Variants in NCAM1 observed in about 807,000 individuals in gnomAD.
NCAM1 encodes antigen recognized by monoclonal antibody 5.1H11.
Under a neutral mutation model 109.8 loss-of-function variants are expected in NCAM1, and 14 were observed. The observed-to-expected ratio is 0.13, with a 90% CI of 0.08 to 0.20. NCAM1 has a LOEUF of 0.20. NCAM1 is among the 10% of genes least tolerant of loss of function. NCAM1 has a pLI of 1.00. For synonymous variants in NCAM1, 418 were observed against 442.9 expected (o/e 0.94, Z 0.70); for missense variants, 774 against 1,109.9 (o/e 0.70, Z 4.30).
chr11:113,270,466 A>C, intron 18 of NCAM1, 71 bp downstream of exon 18: 1 of 1,419,888 alleles, frequency 7.0e-7, no homozygotes. Context: ...CAGCTGCACC[A>C]CCCTGCGCCA....
chr11:113,178,211 A>G (rs1316343149), intron 1 of NCAM1, among the ~76,000 whole-genome samples: 1 of 152,150 alleles, frequency 6.6e-6, no homozygotes, highest in Non-Finnish European at 1.5e-5. Flanking sequence ...ACAAAAAGTG[A>G]ACCTGAGAGC....
intron 1 of NCAM1, among the ~76,000 whole-genome samples, chr11:113,012,372 T>C (rs1418580384): frequency 6.6e-6 from 1 of 152,092 alleles, no homozygotes; most frequent in Non-Finnish European, 1.5e-5. Context: ...AATTTGAATA[T>C]AGGTTGTACA....
At chr11:113,069,586 G>T (rs1938162361) in intron 1 of NCAM1, among the ~76,000 whole-genome samples, 1 of 152,218 alleles carries the variant, frequency 6.6e-6, no homozygotes, top group South Asian at 2.1e-4. Context: ...ATTTGTCTGG[G>T]TGCAGGACGA....
chr11:113,221,187 T>C, intron 8 of NCAM1, 109 bp from the exon 9 acceptor site: 2 of 1,127,342 alleles, frequency 1.8e-6, no homozygotes, highest in South Asian at 3.0e-5. Flanking sequence ...AAGTTCTGAA[T>C]TAAAGAAAAG....
At chr11:113,221,268 G>T (rs1409847154) in intron 8 of NCAM1, 28 bp from the exon 9 acceptor site, 4 of 1,554,642 alleles carry the variant, frequency 2.6e-6, no homozygotes, top group Non-Finnish European at 2.6e-6. Context: ...CTGCTTTCTT[G>T]TTGTGTTTTA....
intron 1 of NCAM1, among the ~76,000 whole-genome samples, chr11:113,080,609 T>C (rs900218055): frequency 6.6e-6 from 1 of 152,182 alleles, no homozygotes; most frequent in South Asian, 2.1e-4. Flanking sequence ...AGTTAATTAT[T>C]TGAATGGAGA....
At chr11:112,968,692 C>A (rs1555066155) in intron 1 of NCAM1, among the ~76,000 whole-genome samples, 1 of 152,062 alleles carries the variant, frequency 6.6e-6, no homozygotes, top group East Asian at 1.9e-4. Context: ...ATTACATATT[C>A]AGATTCAAGT....
At chr11:113,138,128 TGCCTCTGTGCTAC>T (rs1941675320) in intron 1 of NCAM1, among the ~76,000 whole-genome samples, 2 of 152,224 alleles carry the variant, frequency 1.3e-5, no homozygotes, top group Non-Finnish European at 2.9e-5. Flanking sequence ...TAGGCTCAGC[TGCCTCTGTGCTAC>T]ACAAATGTGC....
intron 1 of NCAM1, among the ~76,000 whole-genome samples, chr11:113,019,212 T>G (rs2135217392): frequency 6.6e-6 from 1 of 152,202 alleles, no homozygotes; most frequent in East Asian, 1.9e-4. Context: ...CTTAATCCAG[T>G]TGTGTTGTTA....
At chr11:113,254,634 C>G (rs1158536386) in intron 15 of NCAM1, among the ~76,000 whole-genome samples, 1 of 152,178 alleles carries the variant, frequency 6.6e-6, no homozygotes, top group Non-Finnish European at 1.5e-5. Context: ...CTGCAGCCGT[C>G]TCATAAATGG....
At chr11:113,012,481 G>A (rs1451104365) in intron 1 of NCAM1, among the ~76,000 whole-genome samples, 1 of 152,108 alleles carries the variant, frequency 6.6e-6, no homozygotes, top group African/African-American at 2.4e-5. Context: ...ACAAACCAGG[G>A]ACCTTCAAAA....
intron 1 of NCAM1, among the ~76,000 whole-genome samples, chr11:113,147,378 T>C (rs1169587594): frequency 6.6e-6 from 1 of 152,220 alleles, no homozygotes; most frequent in African/African-American, 2.4e-5. Flanking sequence ...CAAAAACGGC[T>C]AGCTCATGGG....
intron 1 of NCAM1, among the ~76,000 whole-genome samples, chr11:113,081,914 A>G (rs1938839037): frequency 1.3e-5 from 2 of 152,216 alleles, no homozygotes; most frequent in Admixed American, 6.5e-5. Flanking sequence ...CGCCTTTACT[A>G]TCTGCCTATT....
At chr11:113,139,215 A>T (rs564385867) in intron 1 of NCAM1, among the ~76,000 whole-genome samples, 1 of 152,350 alleles carries the variant, frequency 6.6e-6, no homozygotes, top group African/African-American at 2.4e-5. Context: ...GTATTGACTG[A>T]TTATTACTGG....
chr11:113,248,959 G>A (rs982829189), intron 15 of NCAM1, among the ~76,000 whole-genome samples: 4 of 152,104 alleles, frequency 2.6e-5, no homozygotes, highest in African/African-American at 7.2e-5. Flanking sequence ...ATGACTCCAC[G>A]GAGCCGTGGC....
At chr11:113,247,952 A>G (rs1242120285) in intron 15 of NCAM1, among the ~76,000 whole-genome samples, 1 of 152,224 alleles carries the variant, frequency 6.6e-6, no homozygotes, top group African/African-American at 2.4e-5. Context: ...GGCCTTCACC[A>G]TGAAATCTTA....
At chr11:113,270,481 C>G in intron 18 of NCAM1, 86 bp downstream of exon 18, 1 of 1,274,700 alleles carries the variant, frequency 7.8e-7, no homozygotes, top group South Asian at 1.3e-5. Context: ...GCGCCATCAG[C>G]TGGTGCCTTT....
chr11:113,262,678 A>AT (rs1555123602), intron 17 of NCAM1, among the ~76,000 whole-genome samples: 1 of 151,048 alleles, frequency 6.6e-6, no homozygotes, highest in Non-Finnish European at 1.5e-5. Flanking sequence ...CTTTTTATCT[A>AT]TTTTTTTCTC....
chr11:113,211,954 G>A (rs887757746), intron 7 of NCAM1, among the ~76,000 whole-genome samples: 1 of 152,148 alleles, frequency 6.6e-6, no homozygotes, highest in Non-Finnish European at 1.5e-5. Flanking sequence ...AATAGAACAG[G>A]GATCCAAAAG....
Sources: allele counts gnomAD v4.1 joint callset (sites outside exome capture counted in the v4.1 genomes callset), GRCh38; gene constraint gnomAD v4.1.1; transcripts MANE v1.5; gene names NCBI Gene and HGNC (gene_info 2026-07-23, HGNC 2026-07-21).